Variants in PDE4B observed in about 807,000 individuals in gnomAD.
PDE4B encodes the protein 3',5'-cyclic-AMP phosphodiesterase 4B.
In PDE4B, 20 loss-of-function variants were observed where a neutral mutation model predicts 82.2. That is an observed-to-expected ratio of 0.24 (90% CI 0.17 to 0.35). The LOEUF (loss-of-function observed/expected upper bound fraction) is 0.35, where lower values mean the gene tolerates loss of function less well. Among genes scored for constraint, PDE4B ranks in the 10% least tolerant of loss-of-function variants. The pLI, the probability that PDE4B is intolerant of heterozygous loss-of-function variation, is 1.00. For missense variants in PDE4B, 655 were observed against 907.2 expected, an observed-to-expected ratio of 0.72 and a Z score of 3.57; for synonymous variants, 320 against 318.9, an observed-to-expected ratio of 1.00 and a Z score of -0.04.
At chr1:66,046,000 T>C (rs1654692617) in intron 3 of PDE4B, among the ~76,000 whole-genome samples, 1 of 151,650 alleles carries the variant, frequency 6.6e-6, no homozygotes, top group South Asian at 2.1e-4. Flanking sequence ...TGGGCTGCTT[T>C]TGGAGTGTGT....
chr1:66,353,762 C>G (rs537671487), intron 8 of PDE4B, among the ~76,000 whole-genome samples: 1 of 152,048 alleles, frequency 6.6e-6, no homozygotes, highest in Non-Finnish European at 1.5e-5. Context: ...TCTCAACATG[C>G]CCTGGATTGC....
At chr1:66,167,767 G>A (rs1032977730) in intron 3 of PDE4B, among the ~76,000 whole-genome samples, 4 of 152,126 alleles carry the variant, frequency 2.6e-5, no homozygotes, top group East Asian at 1.9e-4. Context: ...GTAAATTAGC[G>A]TGAATCATGT....
Position 66,193,950 on chromosome 1 carries a change from C to CTT in PDE4B, c.282-53496_282-53495dup, listed in dbSNP as rs11423626. ...TGAACCATAACAAGAGATTTGAAATCTTTTTTTTTTTTTTTGGGAGATTCA... is the reference window on the plus strand; with the variant it reads ...TGAACCATAACAAGAGATTTGAAATCTTTTTTTTTTTTTTTTTGGGAGATTCA... On this transcript the variant is annotated intron_variant, in intron 3 of 16. Transcript: ENST00000341517. Among the ~76,000 whole-genome samples the CTT allele has an allele frequency of 4.1e-3, 582 of 141,732 alleles. 6 individuals are homozygous for CTT. Among genetic ancestry groups the CTT allele is most frequent in the East Asian group, 0.022 (107 of 4,870 alleles). The allele number at this position is 141,732 out of a possible 152,430, so 93.0% of individuals were successfully genotyped here.
chr1:66,302,352 C>T (rs147117286), intron 7 of PDE4B, among the ~76,000 whole-genome samples: 7 of 152,310 alleles, frequency 4.6e-5, no homozygotes, highest in Admixed American at 1.3e-4. Context: ...CCACCACATA[C>T]GCTGTCTTGT....
chr1:65,824,688 A>G (rs1355099254), intron 1 of PDE4B, among the ~76,000 whole-genome samples: 1 of 151,456 alleles, frequency 6.6e-6, no homozygotes, highest in East Asian at 1.9e-4. Flanking sequence ...CAATTCATAA[A>G]CCAATAAATT....
intron 1 of PDE4B, among the ~76,000 whole-genome samples, chr1:65,910,795 A>G (rs1215794768): frequency 6.6e-6 from 1 of 152,164 alleles, no homozygotes; most frequent in Non-Finnish European, 1.5e-5. Flanking sequence ...CCATTGGCTG[A>G]ACATACCCAG....
At chr1:66,185,338 C>A (rs1486732281) in intron 3 of PDE4B, among the ~76,000 whole-genome samples, 2 of 152,292 alleles carry the variant, frequency 1.3e-5, no homozygotes, top group Non-Finnish European at 2.9e-5. Flanking sequence ...TGATTTATAA[C>A]CCTTCGGGTA....
chr1:66,262,452 A>G lies in PDE4B; in HGVS notation c.585-3586A>G, dbSNP rs940071047. On this transcript the variant is annotated intron_variant, in intron 6 of 16. Transcript: ENST00000341517. ...ATTCCTGTCTTCTTAGTCACAGTCC[A>G]GTTCTGTCTCCACTGTGCTATTCAG... Among the ~76,000 whole-genome samples, 6 of 152,374 alleles carry G rather than the reference A, an allele frequency of 3.9e-5. No individual in the cohort carries two copies. In the South Asian group the frequency reaches 1.0e-3, roughly 26 times the overall value.
chr1:65,915,143 G>A (rs1476719675), intron 2 of PDE4B, among the ~76,000 whole-genome samples: 1 of 151,780 alleles, frequency 6.6e-6, no homozygotes, highest in Non-Finnish European at 1.5e-5. Flanking sequence ...TACACTTTTG[G>A]TTCTCATTTG....
At chr1:66,337,602 A>G (rs1013147524) in intron 8 of PDE4B, among the ~76,000 whole-genome samples, 2 of 152,202 alleles carry the variant, frequency 1.3e-5, no homozygotes, top group Non-Finnish European at 2.9e-5. Context: ...GCCAACCCAT[A>G]TCCAAGGAGT....
At chr1:65,960,442 T>A (rs548123330) in intron 3 of PDE4B, among the ~76,000 whole-genome samples, 1 of 152,008 alleles carries the variant, frequency 6.6e-6, no homozygotes, top group Admixed American at 6.6e-5. Context: ...AGGTTGAAAG[T>A]TTTTTATTCT....
At chr1:66,366,078 C>A (rs1570787102) in intron 13 of PDE4B, among the ~76,000 whole-genome samples, 1 of 152,156 alleles carries the variant, frequency 6.6e-6, no homozygotes, top group Non-Finnish European at 1.5e-5. Flanking sequence ...GTTTGGGGAT[C>A]CCATGATAAT....
chr1:66,252,948 A>G (rs1214872350), intron 4 of PDE4B, among the ~76,000 whole-genome samples: 1 of 152,192 alleles, frequency 6.6e-6, no homozygotes, highest in East Asian at 1.9e-4. Flanking sequence ...CCAAAAAATA[A>G]ATAAATAAAT....
intron 3 of PDE4B, among the ~76,000 whole-genome samples, chr1:66,200,822 C>A (rs1307848985): frequency 6.6e-6 from 1 of 152,072 alleles, no homozygotes; most frequent in African/African-American, 2.4e-5. Context: ...CTTTTCCTAA[C>A]TAAATACCCT....
intron 3 of PDE4B, among the ~76,000 whole-genome samples, chr1:65,970,458 A>G (rs935388314): frequency 3.9e-5 from 6 of 152,112 alleles, no homozygotes; most frequent in African/African-American, 1.2e-4. Context: ...TCTGGGATTC[A>G]TACTTTATTC....
intron 9 of PDE4B, among the ~76,000 whole-genome samples, chr1:66,358,914 G>A (rs1381010216): frequency 6.6e-6 from 1 of 152,074 alleles, no homozygotes; most frequent in Non-Finnish European, 1.5e-5. Flanking sequence ...AAAAAAAGTG[G>A]TGCAGGAGGA....
intron 3 of PDE4B, among the ~76,000 whole-genome samples, chr1:66,086,980 C>T (rs1268207389): frequency 1.3e-5 from 2 of 152,056 alleles, no homozygotes; most frequent in East Asian, 3.9e-4. Context: ...GTGCTTATGC[C>T]TGGGAGAGAG....
chr1:66,244,099 G>A (rs1196005138), intron 3 of PDE4B, among the ~76,000 whole-genome samples: 3 of 152,224 alleles, frequency 2.0e-5, no homozygotes, highest in Admixed American at 1.3e-4. Context: ...TTGCAAATAT[G>A]AAGAGTGAAA....
At chr1:66,318,280 T>A (rs1362742373) in intron 7 of PDE4B, among the ~76,000 whole-genome samples, 1 of 152,192 alleles carries the variant, frequency 6.6e-6, no homozygotes, top group Non-Finnish European at 1.5e-5. Context: ...AAAACAGGGA[T>A]AATAACTATT....
Sources: allele counts gnomAD v4.1 joint callset (sites outside exome capture counted in the v4.1 genomes callset), GRCh38; gene constraint gnomAD v4.1.1; transcripts MANE v1.5; gene names NCBI Gene and HGNC (gene_info 2026-07-23, HGNC 2026-07-21).